BTBD9: variants seen among roughly 807,000 people sequenced by gnomAD.
BTBD9 encodes the protein BTB/POZ domain-containing protein 9.
BTBD9 carries 49 observed loss-of-function variants against 64.3 expected under a neutral mutation model. The observed-to-expected ratio is 0.76, with a 90% CI of 0.61 to 0.97. BTBD9 has a LOEUF of 0.97. Among genes scored for constraint, BTBD9 ranks in the 50% least tolerant of loss-of-function variants. The pLI is 0.00. For synonymous variants in BTBD9, 260 were observed against 274.7 expected (o/e 0.95, Z 0.53); for missense variants, 598 against 762.1 (o/e 0.78, Z 2.53).
chr6:38,426,358 G>T (rs972117861), intron 6 of BTBD9, among the ~76,000 whole-genome samples: 1 of 151,988 alleles, frequency 6.6e-6, no homozygotes, highest in Admixed American at 6.5e-5. Flanking sequence ...GAGGGACAAG[G>T]ATCGGGATAT....
At chr6:38,195,292 C>T (rs1280041087) in intron 9 of BTBD9, among the ~76,000 whole-genome samples, 1 of 152,176 alleles carries the variant, frequency 6.6e-6, no homozygotes, top group Non-Finnish European at 1.5e-5. Context: ...AATGCAAAAC[C>T]TTGACTGCCA....
chr6:38,395,603 T>C (rs1257141595), intron 6 of BTBD9, among the ~76,000 whole-genome samples: 2 of 152,158 alleles, frequency 1.3e-5, no homozygotes, highest in Non-Finnish European at 2.9e-5. Flanking sequence ...CAGTTAATAG[T>C]ATTTGTTAGT....
chr6:38,299,615 G>A (rs967251887), intron 7 of BTBD9, among the ~76,000 whole-genome samples: 3 of 152,180 alleles, frequency 2.0e-5, no homozygotes, highest in Non-Finnish European at 4.4e-5. Flanking sequence ...CAGTGATGAT[G>A]AGCATTTTTT....
chr6:38,187,476 G>C (rs896096938), intron 10 of BTBD9, among the ~76,000 whole-genome samples: 2 of 152,214 alleles, frequency 1.3e-5, no homozygotes, highest in African/African-American at 4.8e-5. Context: ...ACCGACATCT[G>C]TCTGCCATCT....
chr6:38,489,929 T>C (rs565440102), intron 6 of BTBD9, among the ~76,000 whole-genome samples: 1 of 152,356 alleles, frequency 6.6e-6, no homozygotes, highest in East Asian at 1.9e-4. Flanking sequence ...ATTTGCCTTT[T>C]AATTTTGTCT....
At chr6:38,427,458 G>A (rs1187116592) in intron 6 of BTBD9, among the ~76,000 whole-genome samples, 2 of 152,030 alleles carry the variant, frequency 1.3e-5, no homozygotes, top group Non-Finnish European at 2.9e-5. Flanking sequence ...CACAGCTGGA[G>A]CTGAGAAAAG....
At chr6:38,344,673 T>A (rs1764214427) in intron 7 of BTBD9, among the ~76,000 whole-genome samples, 1 of 152,216 alleles carries the variant, frequency 6.6e-6, no homozygotes, top group Non-Finnish European at 1.5e-5. Context: ...CGCCTATCAT[T>A]AAATCCCTTG....
chr6:38,551,402 G>A (rs1774796961), intron 6 of BTBD9, among the ~76,000 whole-genome samples: 1 of 152,118 alleles, frequency 6.6e-6, no homozygotes, highest in Non-Finnish European at 1.5e-5. Context: ...TGGAGCTTAG[G>A]GTTTCAGCAG....
intron 6 of BTBD9, among the ~76,000 whole-genome samples, chr6:38,463,520 C>T (rs183883436): frequency 6.6e-6 from 1 of 152,156 alleles, no homozygotes. Context: ...CTAGAGATGC[C>T]CTTGATCAGT....
chr6:38,300,836 T>C (rs1049853781), intron 7 of BTBD9, among the ~76,000 whole-genome samples: 11 of 152,212 alleles, frequency 7.2e-5, no homozygotes, highest in Non-Finnish European at 1.2e-4. Flanking sequence ...CTTTTCCTAA[T>C]TGAATGCCCT....
At chr6:38,460,623 T>G (rs1770037116) in intron 6 of BTBD9, among the ~76,000 whole-genome samples, 1 of 152,174 alleles carries the variant, frequency 6.6e-6, no homozygotes, top group East Asian at 1.9e-4. Flanking sequence ...GTTTTTTTTG[T>G]TTTTGTTTTT....
chr6:38,239,309 G>A (rs1158546329), intron 9 of BTBD9, among the ~76,000 whole-genome samples: 1 of 151,772 alleles, frequency 6.6e-6, no homozygotes, highest in African/African-American at 2.4e-5. Flanking sequence ...GCGTGGTGGC[G>A]CACGTCTGCA....
chr6:38,262,439 G>A (rs1425438360), intron 8 of BTBD9, among the ~76,000 whole-genome samples: 1 of 150,644 alleles, frequency 6.6e-6, no homozygotes. Flanking sequence ...TTCTCATTGT[G>A]CAGTTTCCCT....
chr6:38,418,646 C>T (rs1408415389), intron 6 of BTBD9, among the ~76,000 whole-genome samples: 1 of 152,144 alleles, frequency 6.6e-6, no homozygotes, highest in East Asian at 1.9e-4. Context: ...CATTTTTTCC[C>T]CAACTGCTCC....
chr6:38,190,878 G>A (rs1762046242), intron 10 of BTBD9, among the ~76,000 whole-genome samples: 1 of 152,184 alleles, frequency 6.6e-6, no homozygotes. Flanking sequence ...TTGCCTTGCT[G>A]CTTCTTAGCC....
intron 4 of BTBD9, chr6:38,587,979 T>G: frequency 1.4e-6 from 1 of 740,242 alleles, no homozygotes; most frequent in Non-Finnish European, 2.5e-6. Flanking sequence ...TCCTCCTCAG[T>G]AGCAGCTCAC....
At chr6:38,448,572 C>G (rs560373629) in intron 6 of BTBD9, among the ~76,000 whole-genome samples, 5 of 152,240 alleles carry the variant, frequency 3.3e-5, no homozygotes, top group African/African-American at 1.2e-4. Context: ...AGCTGGAGTA[C>G]AGTGGTGCAA....
intron 9 of BTBD9, among the ~76,000 whole-genome samples, chr6:38,212,256 G>A (rs1762859527): frequency 6.6e-6 from 1 of 152,200 alleles, no homozygotes; most frequent in Non-Finnish European, 1.5e-5. Context: ...TGGCTGCTGG[G>A]TAGAGTGAGG....
At chr6:38,399,071 G>A (rs1038723847) in intron 6 of BTBD9, among the ~76,000 whole-genome samples, 2 of 152,204 alleles carry the variant, frequency 1.3e-5, no homozygotes, top group East Asian at 3.8e-4. Flanking sequence ...GTCCTATGGT[G>A]AGAAAAATTT....
Sources: allele counts gnomAD v4.1 joint callset (sites outside exome capture counted in the v4.1 genomes callset), GRCh38; gene constraint gnomAD v4.1.1; transcripts MANE v1.5; gene names NCBI Gene and HGNC (gene_info 2026-07-23, HGNC 2026-07-21).